Variants in AMZ1 observed in about 807,000 individuals in gnomAD.
AMZ1 encodes the protein archaemetzincin-1.
In AMZ1, 39 loss-of-function variants were observed where a neutral mutation model predicts 29.9. The ratio of observed to expected loss-of-function variants is 1.30; its 90% CI spans 1.01 to 1.70. The LOEUF (loss-of-function observed/expected upper bound fraction) is 1.70. Among genes scored for constraint, AMZ1 ranks in the 40% most tolerant of loss-of-function variants. The pLI, the probability that AMZ1 is intolerant of heterozygous loss-of-function variation, is 0.00. For missense variants in AMZ1, 1,041 were observed against 680.6 expected (o/e 1.53, Z -5.89); for synonymous variants, 458 against 304.0 (o/e 1.51, Z -5.27).
Position 2,737,271 on chromosome 7 carries a change from TTTGTTTTTTTTTTTTTTG to T in AMZ1, n.551-27438_551-27421del, listed in dbSNP as rs1390958724. ...TTCAGGAGCTATCTCACAGTTTTGT[TTTGTTTTTTTTTTTTTTG>T]TTTTTTTTTTTTTTTTTGAGATGGA... On this transcript the variant is annotated intron_variant and non_coding_transcript_variant, in intron 4 of 4. Coordinates refer to the AMZ1 transcript ENST00000489665. 2.3e-3 allele frequency among the ~76,000 whole-genome samples: 115 copies of T among 49,892 alleles called. 3 individuals carry two copies. The highest frequency in any genetic ancestry group is 5.6e-3 in the African/African-American group (90 of 16,180). 32.7% of individuals were successfully genotyped at this position (49,892 alleles called of 152,430 possible).
chr7:2,715,882 A>T lies in AMZ1; in HGVS notation c.*3004A>T, dbSNP rs990805756. 1 of 151,408 alleles carries T rather than the reference A, an allele frequency of 6.6e-6. No homozygotes were observed. Among genetic ancestry groups the T allele is most frequent in the Admixed American group, 6.6e-5 (1 of 15,216 alleles). The allele number at this position is 151,408 out of a possible 1,614,324, so 9.4% of individuals were successfully genotyped here. On this transcript the variant is annotated 3_prime_UTR_variant, in exon 7 of 7. Coordinates refer to ENST00000683327, the MANE Select transcript of AMZ1 (RefSeq NM_001384743.1). Reference sequence around the variant, plus strand: ...AGTTGAACTGAGATTAAATTTAGAGATGATGGTTTCCAAGACACACAGGGC... The same window carrying T: ...AGTTGAACTGAGATTAAATTTAGAGTTGATGGTTTCCAAGACACACAGGGC...
At chr7:2,724,499 A>C (rs1178198179), downstream of AMZ1, among the ~76,000 whole-genome samples, 1 of 152,200 alleles carries the variant, frequency 6.6e-6, no homozygotes. Context: ...AAGAGACGGG[A>C]AGCCCTTCCA....
At chr7:2,759,446 C>T (rs1392786528) in intron 4 of AMZ1, among the ~76,000 whole-genome samples, 1 of 152,142 alleles carries the variant, frequency 6.6e-6, no homozygotes, top group Non-Finnish European at 1.5e-5. Flanking sequence ...GATGGGAAGA[C>T]TGAGACAAAG....
chr7:2,722,041 TTCTG>T (rs1160497150), downstream of AMZ1, among the ~76,000 whole-genome samples: 1 of 152,138 alleles, frequency 6.6e-6, no homozygotes, highest in Non-Finnish European at 1.5e-5. Flanking sequence ...CTCGGTTCCT[TTCTG>T]TATTTAAGGT....
intron 4 of AMZ1, among the ~76,000 whole-genome samples, chr7:2,738,371 A>G (rs1790319453): frequency 6.6e-6 from 1 of 152,192 alleles, no homozygotes; most frequent in Admixed American, 6.5e-5. Context: ...AACGTCTAGT[A>G]GGAGAAGCTG....
chr7:2,700,543 T>A lies in AMZ1; in HGVS notation c.92T>A (p.Leu31Gln), dbSNP rs1278020027. 1 of 1,609,390 alleles carries A rather than the reference T, an allele frequency of 6.2e-7. No homozygotes were observed. The highest frequency in any genetic ancestry group is 8.5e-7 in the Non-Finnish European group (1 of 1,179,926). Reference sequence around the variant, plus strand: ...TCCACTGACGCAGCCCTGCAGCAGCTGTATGTGTCCGCCTTCTCCCCTGCC... The same window carrying A: ...TCCACTGACGCAGCCCTGCAGCAGCAGTATGTGTCCGCCTTCTCCCCTGCC... The part of the protein sequence containing the change: ...LVSTDAALQQ[L>Q]YVSAFSPAER... Residue 31 changes from leucine (L) to glutamine (Q), a missense_variant, in exon 2 of 7, where the codon CTG becomes CAG. Physicochemically the swap from Leu to Gln is moderately radical, Grantham distance 113. Transcript: ENST00000683327.
chr7:2,727,642 T>C (rs568893818), intron 4 of AMZ1, among the ~76,000 whole-genome samples: 1 of 152,300 alleles, frequency 6.6e-6, no homozygotes, highest in African/African-American at 2.4e-5. Context: ...GCTGGGATTA[T>C]AGGTGTGAGC....
chr7:2,747,571 A>G (rs1431610353), intron 4 of AMZ1, among the ~76,000 whole-genome samples: 2 of 152,204 alleles, frequency 1.3e-5, no homozygotes, highest in East Asian at 3.8e-4. Flanking sequence ...ATCATACTGA[A>G]TGGGCAAAAA....
chr7:2,696,006 TG>T (rs561492178), intron 1 of AMZ1, among the ~76,000 whole-genome samples: 1,341 of 105,540 alleles, frequency 0.013, 22 homozygotes, highest in African/African-American at 0.036. Context: ...GAAACTGTCT[TG>T]GGGGGGAAAA....
Position 2,712,461 on chromosome 7 carries a change from C to T in AMZ1, c.1080C>T (p.Pro360=), listed in dbSNP as rs146192727. ...TGTGCTGTGAGAGTGACTCGGAGCC[C>T]GGCACCAGTGTGTCGGAGCCCCTCA... ...SGMCCESDSE[P]GTSVSEPLTP... Residue 360 remains proline, a synonymous_variant, in exon 7 of 7, where the codon CCC becomes CCT. Coordinates refer to ENST00000683327, the MANE Select transcript of AMZ1 (RefSeq NM_001384743.1). The T allele has an allele frequency of 6.0e-5, 96 of 1,611,006 alleles. No homozygotes were observed. The highest frequency in any genetic ancestry group is 2.0e-4 in the East Asian group (9 of 44,864).
chr7:2,759,163 A>AT lies in AMZ1; in HGVS notation n.551-5548dup, dbSNP rs1791440539. On this transcript the variant is annotated intron_variant and non_coding_transcript_variant, in intron 4 of 4. Transcript: ENST00000489665. ...TCAAAATAAATAAATAAATAAATAA[A>AT]TAAATAAATAAATAAATAAATAAAT... Among the ~76,000 whole-genome samples, 3 of 149,844 alleles carry AT rather than the reference A, an allele frequency of 2.0e-5. No homozygotes were observed. In the South Asian group the frequency reaches 6.3e-4, roughly 31 times the overall value.
At position 2,716,229 on chromosome 7, in the gene AMZ1, CTG is replaced by C. The variant is rs1464813033; in HGVS notation, c.*3352_*3353del. ...GAAGGGGTGAGAAGCAGTGTCCCCT[CTG>C]AGGCAAATCTCTCTTCAGGCAGCCC... On this transcript the variant is annotated 3_prime_UTR_variant, in exon 7 of 7. Coordinates refer to ENST00000683327, the MANE Select transcript of AMZ1 (RefSeq NM_001384743.1). The C allele has an allele frequency of 1.3e-5, 2 of 152,282 alleles. No individual in the cohort carries two copies. Among genetic ancestry groups the C allele is most frequent in the Non-Finnish European group, 2.9e-5 (2 of 68,078 alleles). The allele number at this position is 152,282 out of a possible 1,614,324, so 9.4% of individuals were successfully genotyped here. A position where few individuals can be genotyped will look rare whatever the true frequency, so the allele number is the denominator to read the frequency against.
chr7:2,694,740 T>G lies in AMZ1; in HGVS notation c.-218-5494T>G, dbSNP rs113099385. On this transcript the variant is annotated intron_variant, in intron 1 of 6. Transcript: ENST00000683327. ...CAGGCTGGAGTGCAGTGGCGCGATC[T>G]CAGCTCACTGCAACCTCTGTCTCCT... Among the ~76,000 whole-genome samples, 1,252 of 152,022 alleles carry G rather than the reference T, an allele frequency of 8.2e-3. 22 individuals carry two copies. The highest frequency in any genetic ancestry group is 0.029 in the African/African-American group (1,191 of 41,492).
In AMZ1 at chr7:2,708,570, C is replaced by A. The variant is rs963588880; in HGVS notation, c.473-18C>A. 8.1e-6 allele frequency: 13 copies of A among 1,611,220 alleles called. No individual in the cohort carries two copies. The highest frequency in any genetic ancestry group is 1.3e-5 in the African/African-American group (1 of 74,914). On this transcript the variant is annotated intron_variant, in intron 3 of 6. Transcript: ENST00000683327. ...CCCGGCTGCCTCCTGACCCCATCCT[C>A]TGGCCCTCTCCCCGCAGACGGCATC...
In AMZ1 at chr7:2,712,875, T is replaced by A. The variant is rs1156581281; in HGVS notation, c.1494T>A (p.Ser498Arg). The A allele has an allele frequency of 6.6e-7, 1 of 1,518,068 alleles. No homozygotes were observed. The highest frequency in any genetic ancestry group is 1.4e-5 in the African/African-American group (1 of 71,690). The allele number at this position is 1,518,068 out of a possible 1,614,324, so 94.0% of individuals were successfully genotyped here. A position where few individuals can be genotyped will look rare whatever the true frequency, so the allele number is the denominator to read the frequency against. The part of the protein sequence containing the change: ...SAPRPWDGEE[S>R] ...CCCGTCCCTGGGATGGGGAAGAGAG[T>A]TAGTACAGCAGGGGCTGCCCTACGT... The change falls in exon 7 of 7, where the codon AGT becomes AGA. Residue 498 changes from serine to arginine, a missense_variant. By Grantham distance (110) the Ser-to-Arg change is moderately radical. Transcript: ENST00000683327.
At chr7:2,758,838 C>T (rs981244878) in intron 4 of AMZ1, among the ~76,000 whole-genome samples, 5 of 152,124 alleles carry the variant, frequency 3.3e-5, no homozygotes, top group Non-Finnish European at 5.9e-5. Flanking sequence ...GGGTTATCAC[C>T]GCATGTATCA....
chr7:2,693,071 A>T (rs1192788948), intron 1 of AMZ1, among the ~76,000 whole-genome samples: 1 of 152,164 alleles, frequency 6.6e-6, no homozygotes, highest in Non-Finnish European at 1.5e-5. Flanking sequence ...GGCACGCCTG[A>T]GCCCTGCCCC....
chr7:2,693,641 C>T (rs966437445), intron 1 of AMZ1, among the ~76,000 whole-genome samples: 6 of 152,184 alleles, frequency 3.9e-5, no homozygotes, highest in Admixed American at 6.5e-5. Flanking sequence ...CTGCAAGCTC[C>T]GCCTCCCGGG....
At chr7:2,752,024 C>T (rs1438502116) in intron 4 of AMZ1, among the ~76,000 whole-genome samples, 2 of 152,066 alleles carry the variant, frequency 1.3e-5, no homozygotes, top group African/African-American at 2.4e-5. Flanking sequence ...ATCCTGGTAC[C>T]CACACCGACA....
Sources: allele counts gnomAD v4.1 joint callset (sites outside exome capture counted in the v4.1 genomes callset), GRCh38; gene constraint gnomAD v4.1.1; transcripts MANE v1.5; gene names NCBI Gene and HGNC (gene_info 2026-07-23, HGNC 2026-07-21).